Variants in CPQ observed in about 807,000 individuals in gnomAD.
CPQ encodes carboxypeptidase Q, also known as Ser-Met dipeptidase.
A neutral mutation model predicts 45.7 loss-of-function variants in CPQ; 37 were observed. That is an observed-to-expected ratio of 0.81 (90% confidence interval 0.62 to 1.07). The LOEUF is 1.07. CPQ is among the 50% of genes least tolerant of loss of function. CPQ has a pLI of 0.00. For missense variants in CPQ, 537 were observed against 572.9 expected (o/e 0.94, Z 0.64); for synonymous variants, 186 against 205.8 (o/e 0.90, Z 0.82).
chr8:97,037,010 G>A (rs973754893), intron 6 of CPQ, among the ~76,000 whole-genome samples: 1 of 152,130 alleles, frequency 6.6e-6, no homozygotes, highest in Non-Finnish European at 1.5e-5. Context: ...GAATTTATCT[G>A]AACTCTAGCC....
At chr8:97,105,621 G>T (rs1435633804) in intron 7 of CPQ, among the ~76,000 whole-genome samples, 1 of 152,102 alleles carries the variant, frequency 6.6e-6, no homozygotes, top group African/African-American at 2.4e-5. Flanking sequence ...GCAAACTATT[G>T]CTTAATCCTT....
chr8:96,852,317 A>G (rs1811780886), intron 3 of CPQ, among the ~76,000 whole-genome samples: 1 of 152,156 alleles, frequency 6.6e-6, no homozygotes, highest in Non-Finnish European at 1.5e-5. Context: ...ACAAAACACC[A>G]TAGACAACAA....
At chr8:96,698,753 C>A (rs993441844) in intron 1 of CPQ, among the ~76,000 whole-genome samples, 16 of 152,062 alleles carry the variant, frequency 1.1e-4, no homozygotes, top group African/African-American at 3.6e-4. Flanking sequence ...CTGATCATCA[C>A]AATATGCAAA....
At chr8:96,673,595 T>C (rs1325852275) in intron 1 of CPQ, among the ~76,000 whole-genome samples, 1 of 152,138 alleles carries the variant, frequency 6.6e-6, no homozygotes, top group African/African-American at 2.4e-5. Flanking sequence ...GTTTTCCTTA[T>C]GATTTAGTTC....
intron 7 of CPQ, among the ~76,000 whole-genome samples, chr8:97,075,942 A>T (rs1178414892): frequency 6.6e-6 from 1 of 152,206 alleles, no homozygotes; most frequent in Non-Finnish European, 1.5e-5. Flanking sequence ...CCAAAATCAC[A>T]TCATTTCATT....
chr8:96,856,060 C>A (rs1290290039), intron 3 of CPQ, among the ~76,000 whole-genome samples: 3 of 152,280 alleles, frequency 2.0e-5, no homozygotes, highest in Non-Finnish European at 1.5e-5. Context: ...GAGAGGTGAG[C>A]AGAGAGGTTG....
At chr8:96,999,575 C>A (rs1290329147) in intron 5 of CPQ, among the ~76,000 whole-genome samples, 2 of 151,982 alleles carry the variant, frequency 1.3e-5, no homozygotes, top group Admixed American at 6.6e-5. Context: ...TGATCTCGTT[C>A]TTTTTTATGG....
chr8:96,976,589 A>G (rs1813792154), intron 5 of CPQ, among the ~76,000 whole-genome samples: 1 of 152,176 alleles, frequency 6.6e-6, no homozygotes, highest in East Asian at 1.9e-4. Flanking sequence ...ACATTACCCT[A>G]CTTCAAACTA....
intron 1 of CPQ, among the ~76,000 whole-genome samples, chr8:96,708,842 T>C (rs1809570136): frequency 6.6e-6 from 1 of 152,142 alleles, no homozygotes; most frequent in Non-Finnish European, 1.5e-5. Flanking sequence ...ACCTACATAG[T>C]TGTCTCGGCA....
intron 1 of CPQ, among the ~76,000 whole-genome samples, chr8:96,700,361 T>C (rs766886921): frequency 1.6e-4 from 24 of 152,166 alleles, no homozygotes; most frequent in Non-Finnish European, 3.1e-4. Flanking sequence ...AGAATAAGTC[T>C]AGCAGGTAGA....
intron 3 of CPQ, among the ~76,000 whole-genome samples, chr8:96,839,295 G>A (rs765212301): frequency 6.6e-6 from 1 of 151,886 alleles, no homozygotes; most frequent in Non-Finnish European, 1.5e-5. Flanking sequence ...TGTCAGCATC[G>A]TCTCCAGGTT....
chr8:96,735,670 T>C (rs1809973005), intron 1 of CPQ, among the ~76,000 whole-genome samples: 1 of 152,166 alleles, frequency 6.6e-6, no homozygotes, highest in Non-Finnish European at 1.5e-5. Context: ...TAGTGGGTCA[T>C]AACATATGCC....
intron 4 of CPQ, among the ~76,000 whole-genome samples, chr8:96,935,943 T>TC (rs1260753874): frequency 6.6e-6 from 1 of 152,006 alleles, no homozygotes; most frequent in Non-Finnish European, 1.5e-5. Context: ...TTTGTCTACC[T>TC]CTTTTTTTTT....
rs5893399 is a variant in CPQ, at chr8:96,800,976, ATT to A, written c.433+15662_433+15663del. Among the ~76,000 whole-genome samples, 191 of 139,652 alleles carry A rather than the reference ATT, an allele frequency of 1.4e-3. 1 individual carries two copies. The highest frequency in any genetic ancestry group is 3.9e-3 in the African/African-American group (146 of 37,568). The allele number at this position is 139,652 out of a possible 152,430, so 91.6% of individuals were successfully genotyped here. Reference sequence around the variant, plus strand: ...TAATTAACTGAACACTCTGAATTTGATTTTTTTTTTTTTTTTTGAGACAGGGT... The same window carrying A: ...TAATTAACTGAACACTCTGAATTTGATTTTTTTTTTTTTTTGAGACAGGGT... On this transcript the variant is annotated intron_variant, in intron 2 of 7. Transcript: ENST00000220763.
At chr8:96,797,540 C>G (rs1810948787) in intron 2 of CPQ, among the ~76,000 whole-genome samples, 1 of 152,172 alleles carries the variant, frequency 6.6e-6, no homozygotes, top group Non-Finnish European at 1.5e-5. Context: ...AGAGCATAAT[C>G]ATGAAAGGAG....
chr8:96,784,155 A>T (rs536052635), intron 1 of CPQ, among the ~76,000 whole-genome samples: 3 of 151,970 alleles, frequency 2.0e-5, no homozygotes, highest in African/African-American at 7.2e-5. Context: ...CACAGCATGC[A>T]CTATATAAAT....
intron 7 of CPQ, among the ~76,000 whole-genome samples, chr8:97,099,369 G>A (rs111646714): frequency 0.018 from 2,699 of 151,648 alleles, 70 homozygotes; most frequent in African/African-American, 0.061. Context: ...GACCTCAGGC[G>A]ATCCATCCAC....
intron 1 of CPQ, among the ~76,000 whole-genome samples, chr8:96,717,338 C>T (rs567974892): frequency 3.1e-4 from 47 of 151,716 alleles, no homozygotes; most frequent in African/African-American, 1.1e-3. Context: ...GTTTACATTC[C>T]CACCAGCAGT....
chr8:96,949,628 A>G (rs914079549), intron 4 of CPQ, among the ~76,000 whole-genome samples: 4 of 152,046 alleles, frequency 2.6e-5, no homozygotes, highest in African/African-American at 9.7e-5. Flanking sequence ...ATTTTTATAA[A>G]ACTGCTTCTC....
Sources: allele counts gnomAD v4.1 joint callset (sites outside exome capture counted in the v4.1 genomes callset), GRCh38; gene constraint gnomAD v4.1.1; transcripts MANE v1.5; gene names NCBI Gene and HGNC (gene_info 2026-07-23, HGNC 2026-07-21).